CCNE1: variants seen among roughly 807,000 people sequenced by gnomAD.
The protein encoded by CCNE1 is G1/S-specific cyclin-E1.
Under a neutral mutation model 54.1 loss-of-function variants are expected in CCNE1, and 8 were observed. The observed-to-expected ratio is 0.15, with a 90% CI of 0.09 to 0.27. The LOEUF (loss-of-function observed/expected upper bound fraction) is 0.27. Ranked by LOEUF, CCNE1 falls within the 10% of genes least tolerant of loss-of-function variation. The pLI is 1.00. For synonymous variants in CCNE1, 179 were observed against 185.2 expected, an observed-to-expected ratio of 0.97 and a Z score of 0.27; for missense variants, 430 against 514.9, an observed-to-expected ratio of 0.84 and a Z score of 1.60.
At chr19:29,818,269 G>A (rs752460561) in intron 6 of CCNE1, among the ~76,000 whole-genome samples, 5 of 152,076 alleles carry the variant, frequency 3.3e-5, no homozygotes, top group Non-Finnish European at 5.9e-5. Context: ...CTCGTGGTTT[G>A]CCCGCCTTGG....
intron 7 of CCNE1, among the ~76,000 whole-genome samples, 196 bp from the exon 8 acceptor site, chr19:29,821,526 A>T (rs1399983680): frequency 6.7e-6 from 1 of 149,288 alleles, no homozygotes; most frequent in African/African-American, 2.5e-5. Flanking sequence ...CATTTATTTA[A>T]TGGTGGGTGG....
At chr19:29,818,253 C>T (rs1157439856) in intron 6 of CCNE1, among the ~76,000 whole-genome samples, 3 of 152,114 alleles carry the variant, frequency 2.0e-5, no homozygotes, top group South Asian at 2.1e-4. Flanking sequence ...GTCTCGATCT[C>T]CTGACCTCGT....
intron 6 of CCNE1, 78 bp downstream of exon 6, chr19:29,817,619 G>A: frequency 6.8e-7 from 1 of 1,472,652 alleles, no homozygotes; most frequent in Non-Finnish European, 9.5e-7. Context: ...ACCTCTGTGT[G>A]GTTTATTCCC....
At chr19:29,822,404 A>C in intron 10 of CCNE1, 42 bp from the exon 11 acceptor site, 1 of 1,613,912 alleles carries the variant, frequency 6.2e-7, no homozygotes, top group Non-Finnish European at 8.5e-7. Flanking sequence ...GCTTACATCC[A>C]GTTGTCAGCC....
Position 29,824,207 on chromosome 19 carries a change from C to A in CCNE1, c.*430C>A, listed in dbSNP as rs865984037. 2.4e-5 allele frequency: 6 copies of A among 248,894 alleles called. No homozygotes were observed. The highest frequency in any genetic ancestry group is 4.7e-5 in the Non-Finnish European group (6 of 128,624). 15.4% of individuals were successfully genotyped at this position (248,894 alleles called of 1,614,324 possible). ...ATAGCCAGCTGGGCAGGGGGCTGCC[C>A]TCTCCACATTATCAGTTGACAGTGT... On this transcript the variant is annotated 3_prime_UTR_variant, in exon 12 of 12. Coordinates refer to ENST00000262643, the MANE Select transcript of CCNE1 (RefSeq NM_001238.4).
In CCNE1 at chr19:29,816,613, C is replaced by G. The variant is rs540736816; in HGVS notation, c.181-524C>G. Among the ~76,000 whole-genome samples, 14 of 152,250 alleles carry G rather than the reference C, an allele frequency of 9.2e-5. No homozygotes were observed. The East Asian group carries it at 1.7e-3, about 19-fold the overall frequency. ...TATTATTTAACATATTTGGCTAGTC[C>G]TGCAACAAAAAGAAAATGTCACATT... On this transcript the variant is annotated intron_variant, in intron 4 of 11. Transcript: ENST00000262643.
At chr19:29,818,334 G>A (rs2145723766) in intron 6 of CCNE1, among the ~76,000 whole-genome samples, 1 of 152,094 alleles carries the variant, frequency 6.6e-6, no homozygotes, top group East Asian at 1.9e-4. Flanking sequence ...CCTAATTTTT[G>A]TATTTTTAGA....
At chr19:29,813,090 C>T in intron 4 of CCNE1, 53 bp downstream of exon 4, 10 of 1,473,478 alleles carry the variant, frequency 6.8e-6, no homozygotes, top group Non-Finnish European at 9.5e-6. Context: ...CCCTGGGTCA[C>T]ATGGGGTTTC....
intron 4 of CCNE1, among the ~76,000 whole-genome samples, chr19:29,814,691 T>C (rs972645548): frequency 4.6e-5 from 7 of 151,994 alleles, no homozygotes; most frequent in Non-Finnish European, 8.8e-5. Context: ...TCTGGAGTTA[T>C]CATAATTCCC....
intron 6 of CCNE1, among the ~76,000 whole-genome samples, chr19:29,818,763 C>CT (rs34147702): frequency 0.018 from 2,563 of 140,244 alleles, 50 homozygotes; most frequent in African/African-American, 0.051. Context: ...GACCCCATGT[C>CT]TTTTTTTTTT....
rs1319414233 is a variant in CCNE1 at position 29,812,915 on chromosome 19, T to C, written c.112-54T>C. 4 of 1,607,674 alleles carry C rather than the reference T, an allele frequency of 2.5e-6. No homozygotes were observed. The Admixed American group carries it at 5.0e-5, about 20-fold the overall frequency. ...GATCAGCTTTCTCTTCTTCTCTCTG[T>C]TTTTGTCTTGTTTGGTGTGTTTCCT... On this transcript the variant is annotated intron_variant, in intron 3 of 11. Coordinates refer to ENST00000262643, the MANE Select transcript of CCNE1 (RefSeq NM_001238.4).
At chr19:29,815,738 C>T (rs1257894013) in intron 4 of CCNE1, among the ~76,000 whole-genome samples, 1 of 151,308 alleles carries the variant, frequency 6.6e-6, no homozygotes, top group Non-Finnish European at 1.5e-5. Flanking sequence ...AAGTGATTCT[C>T]CTGCTTCAGC....
chr19:29,812,890 G>C (rs1973927973), intron 3 of CCNE1, 79 bp from the exon 4 acceptor site: 2 of 1,598,992 alleles, frequency 1.3e-6, no homozygotes, highest in Non-Finnish European at 1.7e-6. Context: ...CTCATAACCT[G>C]ATCAGCTTTC....
chr19:29,817,421 G>A lies in CCNE1; in HGVS notation c.342G>A (p.Glu114=), dbSNP rs201895026. The A allele has an allele frequency of 2.0e-5, 32 of 1,614,158 alleles. No homozygotes were observed. The African/African-American group carries it at 3.7e-4, about 19-fold the overall frequency. Residue 114 remains glutamate (E), a synonymous_variant, in exon 6 of 12, where the codon GAG becomes GAA. Coordinates refer to ENST00000262643, the MANE Select transcript of CCNE1 (RefSeq NM_001238.4). ...TTTGTTGTAGCTGGGCAAATAGAGAGGAAGTCTGGAAAATCATGTTAAACA... is the reference window on the plus strand; with the variant it reads ...TTTGTTGTAGCTGGGCAAATAGAGAAGAAGTCTGGAAAATCATGTTAAACA... ...PLPVLSWANR[E]EVWKIMLNKE... is the part of the protein sequence containing the mutation.
chr19:29,817,382 T>C, intron 5 of CCNE1, 24 bp from the exon 6 acceptor site: 2 of 1,613,966 alleles, frequency 1.2e-6, no homozygotes, highest in Non-Finnish European at 1.7e-6. Flanking sequence ...GTGGGCCTCA[T>C]TTTTGTTGTG....
chr19:29,818,051 G>T (rs1392363476), intron 6 of CCNE1, among the ~76,000 whole-genome samples: 2 of 146,076 alleles, frequency 1.4e-5, no homozygotes, highest in Non-Finnish European at 3.0e-5. Flanking sequence ...TTTTGAGACG[G>T]AGTCTTGCTC....
intron 6 of CCNE1, among the ~76,000 whole-genome samples, chr19:29,819,806 A>G (rs957796362): frequency 1.3e-5 from 2 of 152,318 alleles, no homozygotes; most frequent in Non-Finnish European, 1.5e-5. Flanking sequence ...TTTCTTCTGA[A>G]GTGGAAGGAC....
Position 29,812,577 on chromosome 19 carries a change from C to T in CCNE1, c.22C>T (p.Arg8Trp), listed in dbSNP as rs765558494. The T allele has an allele frequency of 5.3e-6, 8 of 1,518,260 alleles. No individual in the cohort carries two copies. The African/African-American group carries it at 7.0e-5, about 13-fold the overall frequency. 94.0% of individuals were successfully genotyped at this position (1,518,260 alleles called of 1,614,324 possible). ...CATCATGCCGAGGGAGCGCAGGGAG[C>T]GGTGAGTGCCCGCGCCGCGGGGCCG... MPRERRE[R>W]DAKERDTMKE... Residue 8 changes from arginine to tryptophan, a missense_variant and splice_region_variant, in exon 2 of 12, where the codon CGG (arginine) becomes TGG (tryptophan). Transcript: ENST00000262643.
chr19:29,823,165 C>T lies in CCNE1; in HGVS notation c.1111-490C>T, dbSNP rs3218071. On this transcript the variant is annotated intron_variant, in intron 11 of 11. Coordinates refer to ENST00000262643, the MANE Select transcript of CCNE1 (RefSeq NM_001238.4). Reference sequence around the variant, plus strand: ...AAGACATAGTGGCCAGACACAGTGGCTTTTGGAGGCCAAGGCAGAAGGACT... The same window carrying T: ...AAGACATAGTGGCCAGACACAGTGGTTTTTGGAGGCCAAGGCAGAAGGACT... Among the ~76,000 whole-genome samples, 634 of 152,160 alleles carry T rather than the reference C, an allele frequency of 4.2e-3. 21 individuals carry two copies. The East Asian group carries it at 0.1, about 24-fold the overall frequency.
Sources: allele counts gnomAD v4.1 joint callset (sites outside exome capture counted in the v4.1 genomes callset), GRCh38; gene constraint gnomAD v4.1.1; transcripts MANE v1.5; gene names NCBI Gene and HGNC (gene_info 2026-07-23, HGNC 2026-07-21).